The following LRRC4C variants were observed in gnomAD, a reference collection of about 807,000 sequenced individuals.
LRRC4C encodes the protein leucine-rich repeat-containing protein 4C.
A neutral mutation model predicts 33.6 loss-of-function variants in LRRC4C; 5 were observed. That is an observed-to-expected ratio of 0.15 (90% CI 0.08 to 0.31). LRRC4C has a LOEUF of 0.31. Among genes scored for constraint, LRRC4C ranks in the 10% least tolerant of loss-of-function variants. LRRC4C has a pLI of 1.00. For missense variants in LRRC4C, 560 were observed against 796.7 expected, an observed-to-expected ratio of 0.70 and a Z score of 3.58; for synonymous variants, 329 against 302.0, an observed-to-expected ratio of 1.09 and a Z score of -0.93.
At chr11:41,119,462 A>G (rs527601930) in intron 1 of LRRC4C, among the ~76,000 whole-genome samples, 1 of 152,292 alleles carries the variant, frequency 6.6e-6, no homozygotes, top group East Asian at 1.9e-4. Context: ...TGCAAAGGTA[A>G]TCCCATTAGG....
intron 1 of LRRC4C, among the ~76,000 whole-genome samples, chr11:40,972,914 G>A (rs1373821897): frequency 6.6e-6 from 1 of 152,130 alleles, no homozygotes; most frequent in Non-Finnish European, 1.5e-5. Context: ...GTTGGAGGAG[G>A]TGCCTGGTGG....
intron 2 of LRRC4C, among the ~76,000 whole-genome samples, chr11:40,899,114 T>C (rs1242089155): frequency 6.6e-6 from 1 of 151,540 alleles, no homozygotes; most frequent in Non-Finnish European, 1.5e-5. Flanking sequence ...AAAAAAGCAT[T>C]TTATTTAGTA....
At position 41,134,931 on chromosome 11, in the gene LRRC4C, T is replaced by C. The variant is rs143074556; in HGVS notation, c.-495-201208A>G. 5.1e-4 allele frequency among the ~76,000 whole-genome samples: 77 copies of C among 152,302 alleles called. 1 individual carries two copies. The East Asian group carries it at 0.011, about 22-fold the overall frequency. ...CATGAACACCCCAAGCCATTTGTTT[T>C]AGTAATACAACTATCATTATTTGAA... On this transcript the variant is annotated intron_variant, in intron 1 of 6. Transcript: ENST00000528697.
chr11:40,413,407 G>A (rs770285613), intron 3 of LRRC4C, among the ~76,000 whole-genome samples: 5 of 151,996 alleles, frequency 3.3e-5, no homozygotes, highest in African/African-American at 9.7e-5. Flanking sequence ...TACCCTCTCT[G>A]CTTAACATTC....
At chr11:40,420,046 C>A (rs183436373) in intron 3 of LRRC4C, among the ~76,000 whole-genome samples, 1 of 152,268 alleles carries the variant, frequency 6.6e-6, no homozygotes, top group Non-Finnish European at 1.5e-5. Context: ...AAACATTAGC[C>A]AACACCTGGG....
intron 1 of LRRC4C, among the ~76,000 whole-genome samples, chr11:41,296,630 G>A (rs890900911): frequency 1.3e-5 from 2 of 152,000 alleles, no homozygotes; most frequent in African/African-American, 4.8e-5. Context: ...CTTTTTTGAG[G>A]TCCCCAAATA....
At chr11:40,929,645 C>T (rs1165037337) in intron 2 of LRRC4C, among the ~76,000 whole-genome samples, 2 of 151,956 alleles carry the variant, frequency 1.3e-5, no homozygotes, top group Non-Finnish European at 2.9e-5. Context: ...GACAGAGTCT[C>T]GCTCTGTCGC....
intron 2 of LRRC4C, among the ~76,000 whole-genome samples, chr11:40,782,799 A>T (rs1056285123): frequency 6.6e-6 from 1 of 152,246 alleles, no homozygotes; most frequent in South Asian, 2.1e-4. Context: ...TATGGTAAAA[A>T]GTCTTTCTGT....
chr11:40,593,230 G>A (rs915663329), intron 3 of LRRC4C, among the ~76,000 whole-genome samples: 13 of 152,052 alleles, frequency 8.5e-5, no homozygotes, highest in Admixed American at 7.9e-4. Flanking sequence ...ACATGACCAG[G>A]AATAAAATGT....
At chr11:41,233,716 C>T (rs889952965) in intron 1 of LRRC4C, among the ~76,000 whole-genome samples, 1 of 151,882 alleles carries the variant, frequency 6.6e-6, no homozygotes, top group Admixed American at 6.6e-5. Flanking sequence ...TCTTTGACTC[C>T]ACTCAGATAT....
chr11:41,331,237 T>C (rs1951284274), intron 1 of LRRC4C, among the ~76,000 whole-genome samples: 1 of 152,220 alleles, frequency 6.6e-6, no homozygotes, highest in East Asian at 1.9e-4. Context: ...TTCCTTGAGT[T>C]ATTCCTTCCT....
chr11:40,610,606 T>A (rs1175366046), intron 3 of LRRC4C, among the ~76,000 whole-genome samples: 1 of 151,908 alleles, frequency 6.6e-6, no homozygotes, highest in Admixed American at 6.6e-5. Context: ...AAACACATAA[T>A]TTTATATGTA....
At position 40,115,965 on chromosome 11, in the gene LRRC4C, T is replaced by C; in HGVS notation, c.328A>G (p.Asn110Asp). ...RHLEILQLSRNHIRTIEIGAF... is the reference protein window; with the variant it reads ...RHLEILQLSRDHIRTIEIGAF... The stretch of plus-strand genomic sequence containing the variant: ...CCAATTTCAATGGTTCTGATATGGT[T>C]CCTACTCAACTGTAGGATTTCCAAG... Residue 110 changes from asparagine to aspartate, a missense_variant, in exon 7 of 7, where the codon AAC (asparagine) becomes GAC (aspartate). Physicochemically the swap from Asn to Asp is conservative, Grantham distance 23. Around this residue, in one of 3 missense-constraint regions of LRRC4C, gnomAD observed 455 missense variants for 643.8 expected, o/e 0.71. Coordinates refer to ENST00000528697, the MANE Select transcript of LRRC4C (RefSeq NM_001258419.2). This position sits in a 1 kb window ranked among gnomAD's most constrained non-coding sequence, Gnocchi z 6.7. 1.2e-6 allele frequency: 2 copies of C among 1,614,116 alleles called. No individual in the cohort carries two copies. Among genetic ancestry groups the C allele is most frequent in the Non-Finnish European group, 1.7e-6 (2 of 1,180,024 alleles).
chr11:41,313,871 A>AT lies in LRRC4C; in HGVS notation c.-496+145559dup, dbSNP rs879610598. ...AGGTTCTTAATAGTGCTACTCTGAC[A>AT]TTTTTTTTTGCAATCCCATTATTAG... On this transcript the variant is annotated intron_variant, in intron 1 of 6. Coordinates refer to ENST00000528697, the MANE Select transcript of LRRC4C (RefSeq NM_001258419.2). Among the ~76,000 whole-genome samples, 68 of 150,992 alleles carry AT rather than the reference A, an allele frequency of 4.5e-4. 1 individual carries two copies. Among genetic ancestry groups the AT allele is most frequent in the Admixed American group, 2.3e-3 (35 of 15,128 alleles).
At chr11:40,462,292 C>T (rs1952437335) in intron 3 of LRRC4C, among the ~76,000 whole-genome samples, 1 of 152,024 alleles carries the variant, frequency 6.6e-6, no homozygotes, top group Non-Finnish European at 1.5e-5. Context: ...AAGGAGGGAA[C>T]ATATTATTAG....
intron 2 of LRRC4C, among the ~76,000 whole-genome samples, chr11:40,920,413 T>C (rs1049468041): frequency 2.0e-5 from 3 of 152,148 alleles, no homozygotes; most frequent in African/African-American, 7.2e-5. Context: ...TATAACTATC[T>C]ATAAGCCCAC....
intron 3 of LRRC4C, among the ~76,000 whole-genome samples, chr11:40,636,736 A>G (rs1417668049): frequency 2.0e-5 from 3 of 152,156 alleles, no homozygotes; most frequent in African/African-American, 7.2e-5. Context: ...GACTGGCCAC[A>G]TGAGATCCTT....
In LRRC4C at chr11:41,304,740, C is replaced by T. The variant is rs71470179; in HGVS notation, c.-496+154691G>A. 1.8e-4 allele frequency among the ~76,000 whole-genome samples: 17 copies of T among 92,796 alleles called. 1 individual carries two copies. The highest frequency in any genetic ancestry group is 6.5e-4 in the African/African-American group (16 of 24,562). The allele number at this position is 92,796 out of a possible 152,430, so 60.9% of individuals were successfully genotyped here. ...GAGGTGGGGGTATCAGCCCCCCGCC[C>T]GGCCAGCCGCCCCGTCTGGGAGGGA... is the stretch of plus-strand genomic sequence containing the variant. On this transcript the variant is annotated intron_variant, in intron 1 of 6. Transcript: ENST00000528697.
chr11:41,185,278 T>C (rs1945643563), intron 1 of LRRC4C, among the ~76,000 whole-genome samples: 1 of 152,174 alleles, frequency 6.6e-6, no homozygotes, highest in Non-Finnish European at 1.5e-5. Flanking sequence ...AAATATACAT[T>C]ATCAATTACT....
Sources: allele counts gnomAD v4.1 joint callset (sites outside exome capture counted in the v4.1 genomes callset), GRCh38; gene constraint gnomAD v4.1.1; regional missense constraint gnomAD v4.1.1; non-coding constraint Gnocchi (gnomAD v3.1); transcripts MANE v1.5; gene names NCBI Gene and HGNC (gene_info 2026-07-23, HGNC 2026-07-21).